The following SENP2 variants were observed in gnomAD, a reference collection of about 807,000 sequenced individuals.
SENP2 encodes SUMO specific peptidase 2.
SENP2 carries 16 observed loss-of-function variants against 86.3 expected under a neutral mutation model. The ratio of observed to expected loss-of-function variants is 0.19; its 90% CI spans 0.13 to 0.28. The LOEUF (loss-of-function observed/expected upper bound fraction) is 0.28. SENP2 is among the 10% of genes least tolerant of loss of function. SENP2 has a pLI of 1.00. For missense variants in SENP2, 552 were observed against 703.0 expected (o/e 0.79, Z 2.43); for synonymous variants, 222 against 238.7 (o/e 0.93, Z 0.64).
chr3:185,597,030 T>A (rs1034413221), intron 2 of SENP2, among the ~76,000 whole-genome samples: 2 of 151,922 alleles, frequency 1.3e-5, no homozygotes, highest in African/African-American at 4.8e-5. Context: ...ATTTTTGTAT[T>A]TTTTTTAGAG....
At chr3:185,596,678 C>T (rs1476295949) in intron 2 of SENP2, among the ~76,000 whole-genome samples, 1 of 151,526 alleles carries the variant, frequency 6.6e-6, no homozygotes, top group African/African-American at 2.4e-5. Flanking sequence ...ATAATACGGG[C>T]TTAGTAAATA....
intron 2 of SENP2, 72 bp downstream of exon 2, chr3:185,590,241 A>C: frequency 1.3e-6 from 1 of 797,560 alleles, no homozygotes; most frequent in South Asian, 1.9e-5. Context: ...AAAATTCAAA[A>C]GGTAAAAAGT....
At chr3:185,616,370 C>G (rs1338998955) in intron 11 of SENP2, among the ~76,000 whole-genome samples, 3 of 149,596 alleles carry the variant, frequency 2.0e-5, no homozygotes, top group Non-Finnish European at 1.5e-5. Context: ...AATCAGGAGA[C>G]TGAGGCATGA....
chr3:185,617,568 G>A lies in SENP2; in HGVS notation c.1199G>A (p.Gly400Glu), dbSNP rs1403654003. 3 of 1,613,710 alleles carry A rather than the reference G, an allele frequency of 1.9e-6. No individual in the cohort carries two copies. The highest frequency in any genetic ancestry group is 2.5e-6 in the Non-Finnish European group (3 of 1,179,836). Reference protein sequence around the residue: ...SSAFKLRITRGDIQTLKNYHW... With the variant: ...SSAFKLRITREDIQTLKNYHW... ...GCTTTCAAATTGCGAATTACTCGAG[G>A]AGATATTCAGACATTAAAGAACTAT... The change falls in exon 12 of 17, where the codon GGA becomes GAA. Residue 400 changes from glycine to glutamate, a missense_variant. Gly to Glu is a moderately conservative substitution (Grantham distance 98, BLOSUM62 -2). Transcript: ENST00000296257.
chr3:185,619,365 G>A lies in SENP2; in HGVS notation c.1309G>A (p.Val437Ile), dbSNP rs1711753491. The A allele has an allele frequency of 6.2e-7, 1 of 1,613,934 alleles. No individual in the cohort carries two copies. The highest frequency in any genetic ancestry group is 8.5e-7 in the Non-Finnish European group (1 of 1,179,832). ...NKKQGYPALH[V>I]FSTFFYPKLK... is the part of the protein sequence containing the mutation. ...AAAGCAAGGCTATCCAGCACTTCATGTATTCAGTACTTTCTTCTATCCTAA... is the reference window on the plus strand; with the variant it reads ...AAAGCAAGGCTATCCAGCACTTCATATATTCAGTACTTTCTTCTATCCTAA... Residue 437 changes from valine to isoleucine, a missense_variant, in exon 13 of 17, where the codon GTA becomes ATA. Physicochemically the swap from Val to Ile is conservative, Grantham distance 29 (BLOSUM62 3). Around this residue, in one of 2 missense-constraint regions of SENP2, gnomAD observed 169 missense variants for 275.7 expected, o/e 0.61. Coordinates refer to ENST00000296257, the MANE Select transcript of SENP2 (RefSeq NM_021627.3).
chr3:185,591,308 G>C (rs1436806084), intron 2 of SENP2, among the ~76,000 whole-genome samples: 1 of 152,026 alleles, frequency 6.6e-6, no homozygotes, highest in Non-Finnish European at 1.5e-5. Context: ...GGTGTAGACT[G>C]TGCATTTTAA....
At chr3:185,621,980 G>A in intron 14 of SENP2, 75 bp downstream of exon 14, 1 of 925,534 alleles carries the variant, frequency 1.1e-6, no homozygotes, top group Non-Finnish European at 1.7e-6. Flanking sequence ...GAAGCTGTGT[G>A]GATGGTAGTC....
chr3:185,628,609 C>T (rs1384945864), intron 16 of SENP2, among the ~76,000 whole-genome samples: 1 of 152,198 alleles, frequency 6.6e-6, no homozygotes, highest in East Asian at 1.9e-4. Flanking sequence ...CGGGTTCAAG[C>T]AAGTCTTCCG....
rs774589717 is a variant in SENP2 at position 185,619,379 on chromosome 3, C to T, written c.1323C>T (p.Phe441=). The T allele has an allele frequency of 3.7e-6, 6 of 1,613,586 alleles. No individual in the cohort carries two copies. Among genetic ancestry groups the T allele is most frequent in the Admixed American group, 1.7e-5 (1 of 59,998 alleles). The part of the protein sequence containing the change: ...GYPALHVFST[F]FYPKLKSGGY... ...CAGCACTTCATGTATTCAGTACTTT[C>T]TTCTATCCTAAATTAAAGTCTGGGG... The change falls in exon 13 of 17, where the codon TTC becomes TTT. Residue 441 remains phenylalanine, a synonymous_variant. Transcript: ENST00000296257.
intron 2 of SENP2, among the ~76,000 whole-genome samples, chr3:185,597,885 C>T (rs1295886489): frequency 6.6e-6 from 1 of 152,132 alleles, no homozygotes; most frequent in African/African-American, 2.4e-5. Flanking sequence ...AACTCCTGAC[C>T]TCAGGTGATC....
chr3:185,624,609 C>G (rs1712054404), intron 15 of SENP2, among the ~76,000 whole-genome samples: 1 of 152,050 alleles, frequency 6.6e-6, no homozygotes, highest in Non-Finnish European at 1.5e-5. Context: ...GGCGCGGTGG[C>G]TCACACTTGT....
chr3:185,618,413 C>T (rs1022132888), intron 12 of SENP2, among the ~76,000 whole-genome samples: 69 of 152,276 alleles, frequency 4.5e-4, no homozygotes, highest in African/African-American at 1.6e-3. Context: ...GGTTCTTCCC[C>T]GAACTGCTTA....
intron 6 of SENP2, among the ~76,000 whole-genome samples, chr3:185,607,585 C>T (rs999553717): frequency 2.0e-5 from 3 of 152,128 alleles, no homozygotes; most frequent in Admixed American, 6.5e-5. Context: ...CTACCTCAGC[C>T]TCCCAAAGTG....
At chr3:185,617,431 A>T in intron 11 of SENP2, 49 bp from the exon 12 acceptor site, 1 of 1,508,702 alleles carries the variant, frequency 6.6e-7, no homozygotes, top group Non-Finnish European at 8.9e-7. Context: ...AATAACTGAT[A>T]ATGAATGGTT....
intron 13 of SENP2, among the ~76,000 whole-genome samples, chr3:185,620,689 C>G (rs1167962613): frequency 6.6e-6 from 1 of 151,384 alleles, no homozygotes; most frequent in African/African-American, 2.4e-5. Flanking sequence ...CGTGATCCGC[C>G]ACCTCAGCCT....
chr3:185,590,560 A>AG (rs1560188015), intron 2 of SENP2, among the ~76,000 whole-genome samples: 1 of 150,446 alleles, frequency 6.6e-6, no homozygotes. Flanking sequence ...AAAAAAAAAA[A>AG]CAAAAAAACT....
intron 4 of SENP2, among the ~76,000 whole-genome samples, chr3:185,600,080 A>G (rs1185616135): frequency 6.6e-6 from 1 of 152,220 alleles, no homozygotes; most frequent in Non-Finnish European, 1.5e-5. Flanking sequence ...TACAGGCGTG[A>G]GCCACTGCGC....
intron 10 of SENP2, among the ~76,000 whole-genome samples, chr3:185,613,827 C>CAAAA (rs58192571): frequency 2.1e-5 from 1 of 48,578 alleles, no homozygotes; most frequent in African/African-American, 7.4e-5. Context: ...GACTCTGTCT[C>CAAAA]AAAAAAAAAA....
At chr3:185,610,441 C>G (rs1016080615) in intron 7 of SENP2, among the ~76,000 whole-genome samples, 1 of 151,346 alleles carries the variant, frequency 6.6e-6, no homozygotes, top group Non-Finnish European at 1.5e-5. Flanking sequence ...GGATTACAGG[C>G]GTGAGCCACC....
Sources: gnomAD v4.1 joint callset for allele counts (sites outside exome capture counted in the v4.1 genomes callset) on GRCh38, gnomAD v4.1.1 for gene constraint, gnomAD v4.1.1 regional missense constraint, MANE v1.5 for transcripts, NCBI Gene and HGNC (gene_info 2026-07-23, HGNC 2026-07-21) for gene names.